SPIDR: variants seen among roughly 807,000 people sequenced by gnomAD.
The protein encoded by SPIDR is DNA repair-scaffolding protein.
SPIDR carries 93 observed loss-of-function variants against 104.6 expected under a neutral mutation model. The ratio of observed to expected loss-of-function variants is 0.89; its 90% CI spans 0.75 to 1.06. The LOEUF (loss-of-function observed/expected upper bound fraction) is 1.06. Ranked by LOEUF, SPIDR falls within the 50% of genes least tolerant of loss-of-function variation. The pLI, the probability that SPIDR is intolerant of heterozygous loss-of-function variation, is 0.00. For missense variants in SPIDR, 1,154 were observed against 1,111.2 expected (o/e 1.04, Z -0.55); for synonymous variants, 431 against 416.9 (o/e 1.03, Z -0.41).
intron 11 of SPIDR, among the ~76,000 whole-genome samples, chr8:47,691,950 C>T (rs538140519): frequency 6.6e-6 from 1 of 152,308 alleles, no homozygotes; most frequent in South Asian, 2.1e-4. Context: ...CAGCACTACT[C>T]TTTTATTGCA....
At chr8:47,693,085 CA>C (rs2078899277) in intron 11 of SPIDR, among the ~76,000 whole-genome samples, 1 of 152,200 alleles carries the variant, frequency 6.6e-6, no homozygotes, top group Non-Finnish European at 1.5e-5. Flanking sequence ...CCAGTTTGTT[CA>C]TGATCTCTTG....
chr8:47,494,792 A>C (rs1193875255), intron 8 of SPIDR, among the ~76,000 whole-genome samples: 2 of 152,152 alleles, frequency 1.3e-5, no homozygotes, highest in African/African-American at 4.8e-5. Context: ...CCCATCTCTA[A>C]GGATTTCTTT....
chr8:47,627,058 A>G (rs936504804), intron 10 of SPIDR, among the ~76,000 whole-genome samples: 1 of 152,190 alleles, frequency 6.6e-6, no homozygotes, highest in Non-Finnish European at 1.5e-5. Flanking sequence ...CTATGCAGCC[A>G]TAAAAAATGA....
intron 9 of SPIDR, among the ~76,000 whole-genome samples, chr8:47,598,430 A>G (rs1002179395): frequency 6.6e-6 from 1 of 152,210 alleles, no homozygotes; most frequent in Admixed American, 6.5e-5. Context: ...GAAGCACTCT[A>G]GAAGTGTTGT....
At chr8:47,379,020 C>A (rs1475961109) in intron 5 of SPIDR, among the ~76,000 whole-genome samples, 1 of 152,170 alleles carries the variant, frequency 6.6e-6, no homozygotes, top group Non-Finnish European at 1.5e-5. Context: ...GGCCCCTAAA[C>A]CCAAGGCAAA....
chr8:47,364,554 T>C (rs1335605000), intron 5 of SPIDR, among the ~76,000 whole-genome samples: 1 of 152,196 alleles, frequency 6.6e-6, no homozygotes, highest in African/African-American at 2.4e-5. Flanking sequence ...TGCGCAGTTG[T>C]TTAATTATCA....
chr8:47,376,574 T>C (rs1441080568), intron 5 of SPIDR, among the ~76,000 whole-genome samples: 1 of 152,236 alleles, frequency 6.6e-6, no homozygotes, highest in African/African-American at 2.4e-5. Flanking sequence ...CATTAACCAG[T>C]CTGGAATATC....
At chr8:47,612,538 G>T (rs540738248) in intron 10 of SPIDR, among the ~76,000 whole-genome samples, 3 of 152,180 alleles carry the variant, frequency 2.0e-5, no homozygotes, top group Non-Finnish European at 4.4e-5. Context: ...ATTCCTAATG[G>T]CAGACCATAA....
chr8:47,518,192 T>C (rs2083446919), intron 8 of SPIDR, among the ~76,000 whole-genome samples: 1 of 152,232 alleles, frequency 6.6e-6, no homozygotes, highest in Non-Finnish European at 1.5e-5. Context: ...CCAGGCACTT[T>C]GTTAGTTCCA....
At chr8:47,555,896 A>G (rs951660871) in intron 8 of SPIDR, among the ~76,000 whole-genome samples, 10 of 152,262 alleles carry the variant, frequency 6.6e-5, no homozygotes, top group African/African-American at 2.4e-4. Context: ...TTTTTCATTC[A>G]TCAAGTCAGA....
At chr8:47,523,166 T>G (rs941377278) in intron 8 of SPIDR, among the ~76,000 whole-genome samples, 2 of 152,116 alleles carry the variant, frequency 1.3e-5, no homozygotes, top group East Asian at 3.8e-4. Flanking sequence ...TGGCTTTTCT[T>G]TTTTAATGCA....
At chr8:47,388,311 ATATT>A (rs1252180232) in intron 5 of SPIDR, 6 of 153,818 alleles carry the variant, frequency 3.9e-5, no homozygotes, top group Non-Finnish European at 8.8e-5. Context: ...TACTGAATAA[ATATT>A]TATTTAATAT....
intron 8 of SPIDR, among the ~76,000 whole-genome samples, chr8:47,528,816 T>A (rs1475687336): frequency 6.6e-6 from 1 of 151,886 alleles, no homozygotes; most frequent in Non-Finnish European, 1.5e-5. Flanking sequence ...CTGGGACATT[T>A]GCAAAGGGTA....
rs1324586081 is a variant in SPIDR at position 47,523,132 on chromosome 8, A to G, written c.1098-72679A>G. 6.6e-5 allele frequency among the ~76,000 whole-genome samples: 10 copies of G among 152,186 alleles called. No homozygotes were observed. The South Asian group carries it at 1.5e-3, about 22-fold the overall frequency. ...CCTCCCACCTCGAATTGTTGGGACT[A>G]CAGGCATAGCGAGCCACCATGCATG... On this transcript the variant is annotated intron_variant, in intron 8 of 19. Coordinates refer to ENST00000297423, the MANE Select transcript of SPIDR (RefSeq NM_001080394.4).
intron 11 of SPIDR, among the ~76,000 whole-genome samples, chr8:47,690,447 T>C (rs2078479713): frequency 6.7e-6 from 1 of 149,200 alleles, no homozygotes; most frequent in South Asian, 2.1e-4. Flanking sequence ...TTTCTTTATA[T>C]ATTATTATAT....
chr8:47,260,971 A>T lies in SPIDR; in HGVS notation c.13A>T (p.Ser5Cys). MPRG[S>C]RARGSKRKRS... ...GGCGCTCCCGGAGATGCCCCGCGGC[A>T]GCCGCGCTCGGGGCTCTAAGGTAGG... The change falls in exon 1 of 20, where the codon AGC becomes TGC. Residue 5 changes from serine (S) to cysteine (C), a missense_variant. Transcript: ENST00000297423. 8.1e-7 allele frequency: 1 copy of T among 1,230,298 alleles called. No homozygotes were observed. Among genetic ancestry groups the T allele is most frequent in the Non-Finnish European group, 1.0e-6 (1 of 986,798 alleles). 76.2% of individuals were successfully genotyped at this position (1,230,298 alleles called of 1,614,324 possible).
intron 10 of SPIDR, among the ~76,000 whole-genome samples, chr8:47,623,055 T>C (rs2065404013): frequency 6.6e-6 from 1 of 152,194 alleles, no homozygotes; most frequent in South Asian, 2.1e-4. Context: ...GACCTTGTAG[T>C]GCACTAACAG....
At chr8:47,630,846 G>A (rs2066955356) in intron 10 of SPIDR, among the ~76,000 whole-genome samples, 1 of 152,142 alleles carries the variant, frequency 6.6e-6, no homozygotes, top group Non-Finnish European at 1.5e-5. Context: ...TGTTCACATG[G>A]GATATAGACC....
At chr8:47,444,223 G>C (rs1026355667) in intron 8 of SPIDR, among the ~76,000 whole-genome samples, 1 of 152,118 alleles carries the variant, frequency 6.6e-6, no homozygotes, top group Non-Finnish European at 1.5e-5. Flanking sequence ...AAAAACAAAT[G>C]AAGGAATTTA....
Sources: gnomAD v4.1 joint callset for allele counts (sites outside exome capture counted in the v4.1 genomes callset) on GRCh38, gnomAD v4.1.1 for gene constraint, MANE v1.5 for transcripts, NCBI Gene and HGNC (gene_info 2026-07-23, HGNC 2026-07-21) for gene names.